Variants in ZNF608 observed in about 807,000 individuals in gnomAD.
ZNF608 encodes the protein zinc finger protein 608, also known as renal carcinoma antigen NY-REN-36.
ZNF608 carries 12 observed loss-of-function variants against 109.0 expected under a neutral mutation model. The ratio of observed to expected loss-of-function variants is 0.11; its 90% CI spans 0.07 to 0.18. The LOEUF (loss-of-function observed/expected upper bound fraction) is 0.18. ZNF608 is among the 10% of genes least tolerant of loss of function. The pLI is 1.00. For synonymous variants in ZNF608, 732 were observed against 717.4 expected (o/e 1.02, Z -0.33); for missense variants, 1,707 against 1,879.3 (o/e 0.91, Z 1.70).
At chr5:124,709,058 CT>C (rs1753380488) in intron 2 of ZNF608, among the ~76,000 whole-genome samples, 1 of 150,684 alleles carries the variant, frequency 6.6e-6, no homozygotes, top group South Asian at 2.1e-4. Context: ...GTAATCCCAG[CT>C]ACTCGGGAGG....
chr5:124,712,172 A>G (rs1046252008), intron 2 of ZNF608, among the ~76,000 whole-genome samples: 4 of 152,156 alleles, frequency 2.6e-5, no homozygotes, highest in African/African-American at 7.2e-5. Flanking sequence ...AAGCCATTGC[A>G]GTACTCCAAG....
At chr5:124,682,332 C>G (rs1327190591) in intron 3 of ZNF608, among the ~76,000 whole-genome samples, 2 of 152,246 alleles carry the variant, frequency 1.3e-5, no homozygotes, top group Admixed American at 1.3e-4. Context: ...CTTGGCCTCC[C>G]AAAGTGCTGG....
chr5:124,670,987 C>T (rs1170207049), intron 3 of ZNF608, among the ~76,000 whole-genome samples: 2 of 152,176 alleles, frequency 1.3e-5, no homozygotes, highest in Admixed American at 6.5e-5. Context: ...ATATGTAGAG[C>T]TGTATTCTAC....
chr5:124,728,197 C>G (rs1473326039), intron 2 of ZNF608, among the ~76,000 whole-genome samples: 1 of 152,140 alleles, frequency 6.6e-6, no homozygotes, highest in African/African-American at 2.4e-5. Flanking sequence ...GAATTCCATA[C>G]CTTGGTCTTG....
At chr5:124,734,515 G>C (rs763213656) in intron 2 of ZNF608, 10 of 152,210 alleles carry the variant, frequency 6.6e-5, no homozygotes, top group Non-Finnish European at 1.2e-4. Context: ...TAACACTGGC[G>C]TACGGAGGGA....
At chr5:124,639,835 C>G (rs1750158661) in intron 8 of ZNF608, among the ~76,000 whole-genome samples, 1 of 152,098 alleles carries the variant, frequency 6.6e-6, no homozygotes, top group African/African-American at 2.4e-5. Flanking sequence ...CAAATGCAAA[C>G]CTAGGGAAGA....
At chr5:124,661,862 T>G (rs959480420) in intron 3 of ZNF608, among the ~76,000 whole-genome samples, 3 of 152,202 alleles carry the variant, frequency 2.0e-5, no homozygotes, top group Non-Finnish European at 4.4e-5. Flanking sequence ...ATCTAATTCC[T>G]CTCCGATATT....
intron 2 of ZNF608, among the ~76,000 whole-genome samples, chr5:124,724,038 T>C (rs1252119883): frequency 6.6e-6 from 1 of 152,092 alleles, no homozygotes; most frequent in Non-Finnish European, 1.5e-5. Flanking sequence ...CAGTATTAAA[T>C]TGTAGAAACT....
intron 2 of ZNF608, among the ~76,000 whole-genome samples, chr5:124,728,392 C>T (rs1435414423): frequency 2.0e-5 from 3 of 152,156 alleles, no homozygotes; most frequent in South Asian, 2.1e-4. Context: ...GCAAAGATCA[C>T]CTCTGCTTTG....
chr5:124,646,627 T>C (rs1052083554), intron 5 of ZNF608, 52 bp downstream of exon 5: 3 of 1,559,564 alleles, frequency 1.9e-6, no homozygotes, highest in Non-Finnish European at 2.6e-6. Flanking sequence ...ACATGTATAA[T>C]ACAAGTCTCA....
intron 2 of ZNF608, among the ~76,000 whole-genome samples, chr5:124,709,170 CAAAAAAAAAAAAA>C (rs1156276798): frequency 1.8e-4 from 6 of 32,714 alleles, no homozygotes; most frequent in African/African-American, 4.7e-4. Context: ...GACTCTGTCT[CAAAAAAAAAAAAA>C]AAAAAAAAAA....
intron 2 of ZNF608, among the ~76,000 whole-genome samples, chr5:124,716,799 T>C (rs1753721502): frequency 1.3e-5 from 2 of 152,214 alleles, no homozygotes; most frequent in Non-Finnish European, 2.9e-5. Context: ...GTTGTACATT[T>C]TGGCCGGGCA....
intron 3 of ZNF608, among the ~76,000 whole-genome samples, chr5:124,689,095 G>A (rs1221808392): frequency 2.6e-5 from 4 of 152,172 alleles, no homozygotes; most frequent in Non-Finnish European, 5.9e-5. Context: ...ATACGTATAA[G>A]ATGTATATGA....
intron 3 of ZNF608, among the ~76,000 whole-genome samples, chr5:124,651,941 C>T (rs1351628663): frequency 1.3e-5 from 2 of 152,244 alleles, no homozygotes; most frequent in African/African-American, 4.8e-5. Context: ...TTCGCACTAA[C>T]GAGTCCGGCC....
At chr5:124,729,652 T>C (rs1183003243) in intron 2 of ZNF608, among the ~76,000 whole-genome samples, 1 of 152,246 alleles carries the variant, frequency 6.6e-6, no homozygotes, top group African/African-American at 2.4e-5. Context: ...TATATATCTA[T>C]GTGTGTTTAT....
rs181556312 is a variant in ZNF608, at chr5:124,653,067, C to T, written c.1163-3370G>A. 3.0e-3 allele frequency among the ~76,000 whole-genome samples: 455 copies of T among 152,302 alleles called. 4 individuals carry two copies. Among genetic ancestry groups the T allele is most frequent in the Admixed American group, 0.023 (357 of 15,306 alleles). The stretch of plus-strand genomic sequence containing the variant: ...TTCCCTTTCCACCCATGGACTGGGC[C>T]TGGCCTTTGTCAGAGAGCTAATGCC... On this transcript the variant is annotated intron_variant, in intron 3 of 9. Transcript: ENST00000513986.
Position 124,647,502 on chromosome 5 carries a change from T to G in ZNF608, c.2882A>C (p.Lys961Thr). The G allele has an allele frequency of 6.2e-7, 1 of 1,614,238 alleles. No homozygotes were observed. Among genetic ancestry groups the G allele is most frequent in the Non-Finnish European group, 8.5e-7 (1 of 1,180,032 alleles). ...SDSRSEGMRS[K>T]ASSPSDIISS... ...AATAATATCTGATGGGGAACTGGCC[T>G]TTGATCTCATACCCTCCGACCTGCT... The change falls in exon 5 of 10, where the codon AAG becomes ACG. Residue 961 changes from lysine (K) to threonine (T), a missense_variant. By Grantham distance (78) the Lys-to-Thr change is moderately conservative. This residue lies in a region of ZNF608 where 1,073 missense variants were observed against 1,133.5 expected (regional missense o/e 0.95). Coordinates refer to ENST00000513986, the MANE Select transcript of ZNF608 (RefSeq NM_020747.3).
chr5:124,710,025 G>A (rs905448105), intron 2 of ZNF608: 13 of 257,488 alleles, frequency 5.0e-5, no homozygotes, highest in African/African-American at 2.3e-4. Context: ...ACATGGTTGC[G>A]CCTACATTAG....
chr5:124,723,442 C>G (rs1214339893), intron 2 of ZNF608, among the ~76,000 whole-genome samples: 1 of 152,120 alleles, frequency 6.6e-6, no homozygotes, highest in East Asian at 1.9e-4. Context: ...AATCCCAGCA[C>G]TTTGGGAGGC....
Sources: gnomAD v4.1 joint callset for allele counts (sites outside exome capture counted in the v4.1 genomes callset) on GRCh38, gnomAD v4.1.1 for gene constraint, gnomAD v4.1.1 regional missense constraint, MANE v1.5 for transcripts, NCBI Gene and HGNC (gene_info 2026-07-23, HGNC 2026-07-21) for gene names.